The following PANK3 variants were observed in gnomAD, a reference collection of about 807,000 sequenced individuals.
PANK3 encodes hPanK3.
A neutral mutation model predicts 39.4 loss-of-function variants in PANK3; 20 were observed. That is an observed-to-expected ratio of 0.51 (90% CI 0.36 to 0.74). The LOEUF (loss-of-function observed/expected upper bound fraction) is 0.74, where lower values mean the gene tolerates loss of function less well. Among genes scored for constraint, PANK3 ranks in the 30% least tolerant of loss-of-function variants. PANK3 has a pLI of 0.00. For missense variants in PANK3, 265 were observed against 437.0 expected (o/e 0.61, Z 3.51); for synonymous variants, 140 against 157.3 (o/e 0.89, Z 0.82).
In PANK3 at chr5:168,576,874, A is replaced by T. The variant is rs72837803; in HGVS notation, c.28+2382T>A. 3.1e-4 allele frequency among the ~76,000 whole-genome samples: 46 copies of T among 150,412 alleles called. No individual in the cohort carries two copies. The East Asian group carries it at 6.7e-3, about 22-fold the overall frequency. On this transcript the variant is annotated intron_variant, in intron 1 of 6. Transcript: ENST00000239231. ...GTGATTTAAAGTTAAAATAATATTA[A>T]TATTATTATTATTATTATTATTTGA...
chr5:168,568,510 C>T (rs1759569773), intron 2 of PANK3, 136 bp downstream of exon 2: 1 of 692,396 alleles, frequency 1.4e-6, no homozygotes, highest in East Asian at 2.7e-5. Flanking sequence ...GTTTAAAACG[C>T]CCCAAGTGAA....
intron 1 of PANK3, among the ~76,000 whole-genome samples, chr5:168,570,785 A>G (rs964356680): frequency 6.6e-6 from 1 of 152,216 alleles, no homozygotes; most frequent in Non-Finnish European, 1.5e-5. Context: ...CGTTCTAAGT[A>G]AGAGAGTGGC....
chr5:168,573,558 A>C (rs1759682591), intron 1 of PANK3, among the ~76,000 whole-genome samples: 1 of 151,186 alleles, frequency 6.6e-6, no homozygotes, highest in South Asian at 2.1e-4. Flanking sequence ...TTTAGGGTAC[A>C]TGTGCACAAT....
rs770726261 is a variant in PANK3 at position 168,559,103 on chromosome 5, T to C, written c.991A>G (p.Met331Val). Residue 331 changes from methionine to valine, a missense_variant, in exon 6 of 7, where the codon ATG (methionine) becomes GTG (valine). By Grantham distance (21) the Met-to-Val change is conservative (BLOSUM62 1). Around this residue, in one of 3 missense-constraint regions of PANK3, gnomAD observed 110 missense variants for 161.2 expected, o/e 0.68. Transcript: ENST00000239231. ...TCCAGTGCATATGCCAAAAGTTTCA[T>C]TGAGAGGGTATTGACACGTAAAAAG... ...GNFLRVNTLS[M>V]KLLAYALDYW... 11 of 1,606,974 alleles carry C rather than the reference T, an allele frequency of 6.8e-6. No individual in the cohort carries two copies. The highest frequency in any genetic ancestry group is 1.3e-5 in the African/African-American group (1 of 74,770).
Position 168,565,917 on chromosome 5 carries a change from C to T in PANK3, c.635+96G>A, listed in dbSNP as rs1307832284. 1.5e-5 allele frequency: 14 copies of T among 906,970 alleles called. No individual in the cohort carries two copies. The East Asian group carries it at 2.1e-4, about 14-fold the overall frequency. The allele number at this position is 906,970 out of a possible 1,614,324, so 56.2% of individuals were successfully genotyped here. On this transcript the variant is annotated intron_variant, in intron 3 of 6. Transcript: ENST00000239231. ...TTTTTTGCTGTTGTGCAAATACATG[C>T]TCTTTTACTGGTGAAAATGACATTA...
chr5:168,578,962 A>T (rs1484656368), intron 1 of PANK3, among the ~76,000 whole-genome samples: 2 of 152,162 alleles, frequency 1.3e-5, no homozygotes, highest in African/African-American at 4.8e-5. Flanking sequence ...CTGGGAGAGG[A>T]GACTAGTCTG....
intron 1 of PANK3, among the ~76,000 whole-genome samples, chr5:168,571,964 C>T (rs543851467): frequency 2.3e-4 from 35 of 152,130 alleles, no homozygotes; most frequent in African/African-American, 8.2e-4. Flanking sequence ...GACATTAGAC[C>T]ATAATTTGGG....
intron 3 of PANK3, 128 bp downstream of exon 3, chr5:168,565,885 A>G (rs867676122): frequency 5.1e-6 from 1 of 194,286 alleles, no homozygotes; most frequent in Non-Finnish European, 9.4e-6. Flanking sequence ...ATATATATAT[A>G]TTTTTTTTTT....
intron 2 of PANK3, among the ~76,000 whole-genome samples, 182 bp from the exon 3 acceptor site, chr5:168,566,448 A>G (rs1208852885): frequency 6.6e-6 from 1 of 152,138 alleles, no homozygotes; most frequent in Non-Finnish European, 1.5e-5. Context: ...TGAGGGTGGT[A>G]TCACCTCACT....
intron 5 of PANK3, 152 bp downstream of exon 5, chr5:168,561,241 T>A: frequency 1.8e-6 from 1 of 565,344 alleles, no homozygotes; most frequent in Non-Finnish European, 3.0e-6. Flanking sequence ...ACTGGATACG[T>A]AACATATATA....
At chr5:168,572,409 A>C (rs1362879398) in intron 1 of PANK3, among the ~76,000 whole-genome samples, 1 of 152,134 alleles carries the variant, frequency 6.6e-6, no homozygotes, top group Non-Finnish European at 1.5e-5. Flanking sequence ...CTAAGTCCGA[A>C]AAGAGAGTCA....
chr5:168,567,307 T>G (rs143119438), intron 2 of PANK3, among the ~76,000 whole-genome samples: 1 of 152,332 alleles, frequency 6.6e-6, no homozygotes, highest in African/African-American at 2.4e-5. Flanking sequence ...TCCTCTGGAA[T>G]GATCATACTG....
intron 5 of PANK3, among the ~76,000 whole-genome samples, chr5:168,560,669 T>A (rs1268482941): frequency 2.0e-5 from 3 of 152,192 alleles, no homozygotes; most frequent in African/African-American, 7.2e-5. Flanking sequence ...AATGAACAAA[T>A]GAAGGGTTCC....
chr5:168,575,817 G>T (rs545813577), intron 1 of PANK3, among the ~76,000 whole-genome samples: 20 of 151,834 alleles, frequency 1.3e-4, no homozygotes, highest in African/African-American at 4.6e-4. Context: ...AATAGGGGAG[G>T]GGGGAGATAC....
At chr5:168,568,550 C>G in intron 2 of PANK3, 96 bp downstream of exon 2, 1 of 935,868 alleles carries the variant, frequency 1.1e-6, no homozygotes, top group African/African-American at 1.7e-5. Context: ...TTTCCCACTG[C>G]ATGTGCAGGG....
At chr5:168,574,987 C>T (rs1053175980) in intron 1 of PANK3, among the ~76,000 whole-genome samples, 32 of 151,928 alleles carry the variant, frequency 2.1e-4, no homozygotes, top group Non-Finnish European at 8.8e-5. Flanking sequence ...AGCCTACTTA[C>T]GGCATATAAC....
Position 168,566,162 on chromosome 5 carries a change from A to G in PANK3, c.486T>C (p.Tyr162=). Residue 162 remains tyrosine, a synonymous_variant, in exon 3 of 7, where the codon TAT becomes TAC. Transcript: ENST00000239231. ...VSFNGQAECY[Y]FANASEPERC... ...GCTCAGGTTCTGAGGCATTAGCAAA[A>G]TAATAGCACTCGGCTTGTCCATTGA... The G allele has an allele frequency of 5.0e-6, 8 of 1,614,068 alleles. No individual in the cohort carries two copies. Among genetic ancestry groups the G allele is most frequent in the Non-Finnish European group, 6.8e-6 (8 of 1,180,004 alleles).
At chr5:168,564,750 C>A (rs1322771703) in intron 3 of PANK3, among the ~76,000 whole-genome samples, 1 of 152,128 alleles carries the variant, frequency 6.6e-6, no homozygotes, top group Non-Finnish European at 1.5e-5. Flanking sequence ...AATTTTAAAT[C>A]GTTTCCAAGA....
chr5:168,561,806 CA>C (rs1007875410), intron 4 of PANK3, among the ~76,000 whole-genome samples: 1 of 152,016 alleles, frequency 6.6e-6, no homozygotes, highest in Non-Finnish European at 1.5e-5. Flanking sequence ...ACAAATTAGC[CA>C]AAATTACAAA....
Sources: allele counts gnomAD v4.1 joint callset (sites outside exome capture counted in the v4.1 genomes callset), GRCh38; gene constraint gnomAD v4.1.1; regional missense constraint gnomAD v4.1.1; transcripts MANE v1.5; gene names NCBI Gene and HGNC (gene_info 2026-07-23, HGNC 2026-07-21).